The following HSD17B12 variants were observed in gnomAD, a reference collection of about 807,000 sequenced individuals.
The protein encoded by HSD17B12 is very-long-chain 3-oxoacyl-CoA reductase.
A neutral mutation model predicts 39.3 loss-of-function variants in HSD17B12; 32 were observed. The observed-to-expected ratio is 0.81, with a 90% CI of 0.61 to 1.09. The LOEUF is 1.09. Ranked by LOEUF, HSD17B12 falls within the 50% of genes least tolerant of loss-of-function variation. HSD17B12 has a pLI of 0.00. For missense variants in HSD17B12, 342 were observed against 382.9 expected (o/e 0.89, Z 0.89); for synonymous variants, 150 against 146.7 (o/e 1.02, Z -0.16).
intron 1 of HSD17B12, among the ~76,000 whole-genome samples, chr11:43,715,316 T>C (rs887029358): frequency 9.2e-5 from 14 of 152,154 alleles, no homozygotes; most frequent in African/African-American, 3.4e-4. Context: ...CCTAATTTAT[T>C]GAGAGTTTTT....
chr11:43,604,317 T>C, the HSD17B12 span, among the ~76,000 whole-genome samples: 2 of 152,194 alleles, frequency 1.3e-5, no homozygotes, highest in Non-Finnish European at 2.9e-5. Context: ...GGGCAAATAA[T>C]TTTCAGTTAA....
chr11:43,598,021 C>T, the HSD17B12 span, among the ~76,000 whole-genome samples: 2 of 152,078 alleles, frequency 1.3e-5, no homozygotes. Context: ...ATGATGACAC[C>T]ATTCATATGA....
At chr11:43,658,082 G>A in the HSD17B12 span, among the ~76,000 whole-genome samples, 1 of 152,138 alleles carries the variant, frequency 6.6e-6, no homozygotes, top group East Asian at 1.9e-4. Context: ...TTTCTTGGAG[G>A]CTTTGTTCGT....
chr11:43,763,652 TAG>T (rs1203888914), intron 3 of HSD17B12, among the ~76,000 whole-genome samples: 19 of 147,026 alleles, frequency 1.3e-4, no homozygotes, highest in South Asian at 2.1e-4. Flanking sequence ...GATATATATA[TAG>T]AGAGAGAGAG....
rs1951582275 is a variant in HSD17B12, at chr11:43,856,230, T to A, written c.*982T>A. On this transcript the variant is annotated 3_prime_UTR_variant, in exon 11 of 11. Coordinates refer to ENST00000278353, the MANE Select transcript of HSD17B12 (RefSeq NM_016142.3). ...AATACATTTCTTTGGTGATTGAAAT[T>A]AAGGCCGTATTTACAATGACTTAAT... is the stretch of plus-strand genomic sequence containing the variant. 1 of 152,236 alleles carries A rather than the reference T, an allele frequency of 6.6e-6. No individual in the cohort carries two copies. The highest frequency in any genetic ancestry group is 2.1e-4 in the South Asian group (1 of 4,832). 9.4% of individuals were successfully genotyped at this position (152,236 alleles called of 1,614,324 possible).
At chr11:43,797,565 T>A (rs1950926626) in intron 3 of HSD17B12, among the ~76,000 whole-genome samples, 2 of 152,252 alleles carry the variant, frequency 1.3e-5, no homozygotes. Flanking sequence ...CTCATGTCTG[T>A]GTGACCTCAG....
intron 4 of HSD17B12, among the ~76,000 whole-genome samples, chr11:43,798,707 G>T (rs2135045769): frequency 6.6e-6 from 1 of 152,166 alleles, no homozygotes; most frequent in South Asian, 2.1e-4. Flanking sequence ...TATGGGTATA[G>T]GTTCCAGGAC....
At chr11:43,737,556 A>C (rs1020500597) in intron 1 of HSD17B12, among the ~76,000 whole-genome samples, 4 of 152,252 alleles carry the variant, frequency 2.6e-5, no homozygotes, top group African/African-American at 9.6e-5. Flanking sequence ...AAGCCTTTTT[A>C]AAAAATCTTC....
At chr11:43,812,184 G>T (rs187206770) in intron 4 of HSD17B12, among the ~76,000 whole-genome samples, 1 of 152,106 alleles carries the variant, frequency 6.6e-6, no homozygotes, top group Non-Finnish European at 1.5e-5. Context: ...ATAAACACGG[G>T]GGTGCAGGTA....
At chr11:43,659,185 T>G in the HSD17B12 span, among the ~76,000 whole-genome samples, 1 of 152,360 alleles carries the variant, frequency 6.6e-6, no homozygotes, top group East Asian at 1.9e-4. Flanking sequence ...CGTAGGACCC[T>G]CTGAGCCATG....
intron 4 of HSD17B12, among the ~76,000 whole-genome samples, chr11:43,806,697 G>A (rs550301790): frequency 8.5e-5 from 13 of 152,124 alleles, no homozygotes; most frequent in Non-Finnish European, 1.9e-4. Flanking sequence ...AGGAATGGTG[G>A]GATGGGAATA....
At chr11:43,849,542 T>A (rs1951511615) in intron 9 of HSD17B12, among the ~76,000 whole-genome samples, 1 of 152,202 alleles carries the variant, frequency 6.6e-6, no homozygotes, top group South Asian at 2.1e-4. Flanking sequence ...GTTCCTTCAG[T>A]CTCAAAGGCT....
the HSD17B12 span, among the ~76,000 whole-genome samples, chr11:43,633,998 C>G: frequency 7.2e-6 from 1 of 138,696 alleles, no homozygotes; most frequent in African/African-American, 2.7e-5. Context: ...CGCTTGAACC[C>G]GGGAGGCGGA....
intron 1 of HSD17B12, among the ~76,000 whole-genome samples, chr11:43,708,292 AAAC>A (rs147690794): frequency 0.011 from 1,647 of 152,318 alleles, 11 homozygotes; most frequent in East Asian, 0.034. Context: ...GCAATTTTTA[AAAC>A]AACAATAGGC....
chr11:43,710,373 A>T (rs1950053653), intron 1 of HSD17B12, among the ~76,000 whole-genome samples: 1 of 152,220 alleles, frequency 6.6e-6, no homozygotes, highest in African/African-American at 2.4e-5. Flanking sequence ...GGATCCTTGC[A>T]TGGTAGACTT....
At chr11:43,784,081 C>T (rs1168913608) in intron 3 of HSD17B12, among the ~76,000 whole-genome samples, 1 of 152,088 alleles carries the variant, frequency 6.6e-6, no homozygotes, top group Non-Finnish European at 1.5e-5. Context: ...AGCAGACTTG[C>T]GTCTTAAGAG....
intron 4 of HSD17B12, among the ~76,000 whole-genome samples, chr11:43,802,772 G>T (rs1358141648): frequency 5.9e-5 from 9 of 152,178 alleles, no homozygotes; most frequent in South Asian, 2.1e-4. Flanking sequence ...GCCTTCCACA[G>T]CAAAGAATGA....
chr11:43,725,515 A>T (rs888087860), intron 1 of HSD17B12, among the ~76,000 whole-genome samples: 1 of 152,224 alleles, frequency 6.6e-6, no homozygotes, highest in Non-Finnish European at 1.5e-5. Context: ...GGTGGCTTAA[A>T]CAGATAAGGA....
chr11:43,657,606 A>G, the HSD17B12 span, among the ~76,000 whole-genome samples: 1 of 152,118 alleles, frequency 6.6e-6, no homozygotes, highest in Admixed American at 6.6e-5. Flanking sequence ...GGTGGTGACA[A>G]AATCTCTCAG....
Sources: gnomAD v4.1 joint callset for allele counts (sites outside exome capture counted in the v4.1 genomes callset) on GRCh38, gnomAD v4.1.1 for gene constraint, MANE v1.5 for transcripts, NCBI Gene and HGNC (gene_info 2026-07-23, HGNC 2026-07-21) for gene names.